ALK: variants seen among roughly 807,000 people sequenced by gnomAD.
ALK encodes ALK receptor tyrosine kinase, also known as ALK tyrosine kinase receptor.
Under a neutral mutation model 163.1 loss-of-function variants are expected in ALK, and 74 were observed. The ratio of observed to expected loss-of-function variants is 0.45; its 90% CI spans 0.38 to 0.55. The LOEUF is 0.55. ALK is among the 20% of genes least tolerant of loss of function. ALK has a pLI of 0.00. For synonymous variants in ALK, 960 were observed against 843.2 expected, an observed-to-expected ratio of 1.14 and a Z score of -2.40; for missense variants, 2,063 against 2,105.3, an observed-to-expected ratio of 0.98 and a Z score of 0.39.
chr2:29,750,188 G>A (rs1680316876), intron 1 of ALK, among the ~76,000 whole-genome samples: 1 of 152,190 alleles, frequency 6.6e-6, no homozygotes, highest in Admixed American at 6.5e-5. Flanking sequence ...TCATCACAGT[G>A]TGAACATCAC....
At chr2:29,593,581 A>G (rs188971144) in intron 3 of ALK, among the ~76,000 whole-genome samples, 32 of 152,276 alleles carry the variant, frequency 2.1e-4, no homozygotes, top group African/African-American at 6.0e-4. Flanking sequence ...CTTAGAGGGA[A>G]CTCTAGGGCT....
intron 1 of ALK, among the ~76,000 whole-genome samples, chr2:29,738,720 G>A (rs1057320396): frequency 4.6e-5 from 7 of 152,096 alleles, no homozygotes; most frequent in Middle Eastern, 3.4e-3. Context: ...ATTAAAGAGT[G>A]GCCTCAACTT....
In ALK at chr2:29,435,503, C is replaced by T. The variant is rs755701016; in HGVS notation, c.1155-51644G>A. The stretch of plus-strand genomic sequence containing the variant: ...GCAATGCCAGGTGCTTTCATATCCA[C>T]GTTCTCATCTAGTTTTGGCAGCAAC... On this transcript the variant is annotated intron_variant, in intron 4 of 28. Transcript: ENST00000389048. Among the ~76,000 whole-genome samples the T allele has an allele frequency of 3.9e-5, 6 of 152,188 alleles. No individual in the cohort carries two copies. The South Asian group carries it at 8.3e-4, about 21-fold the overall frequency.
intron 5 of ALK, among the ~76,000 whole-genome samples, chr2:29,332,205 G>C (rs546388782): frequency 3.6e-5 from 5 of 137,610 alleles, no homozygotes; most frequent in African/African-American, 1.3e-4. Flanking sequence ...AGAACCGCTT[G>C]AACCAGGGAG....
intron 3 of ALK, among the ~76,000 whole-genome samples, chr2:29,641,256 G>A (rs566815038): frequency 1.3e-4 from 20 of 152,222 alleles, no homozygotes; most frequent in African/African-American, 4.8e-4. Flanking sequence ...AGGATAGGAA[G>A]GTGACAAGAG....
intron 2 of ALK, among the ~76,000 whole-genome samples, chr2:29,698,799 C>T (rs567064940): frequency 1.2e-4 from 19 of 152,268 alleles, no homozygotes; most frequent in East Asian, 1.2e-3. Flanking sequence ...ATTCTTAGTC[C>T]GCAGCAACCT....
intron 24 of ALK, 28 bp downstream of exon 24, chr2:29,213,956 C>A: frequency 6.3e-7 from 1 of 1,587,318 alleles, no homozygotes; most frequent in Non-Finnish European, 8.7e-7. Context: ...GACAGGATGA[C>A]AGGAAGAGCA....
chr2:29,751,027 G>A (rs577896502), intron 1 of ALK, among the ~76,000 whole-genome samples: 4 of 152,286 alleles, frequency 2.6e-5, no homozygotes, highest in Admixed American at 6.5e-5. Flanking sequence ...CCGACACTGA[G>A]CCACTGCACC....
intron 2 of ALK, among the ~76,000 whole-genome samples, chr2:29,711,696 A>G (rs1679107460): frequency 6.6e-6 from 1 of 152,146 alleles, no homozygotes; most frequent in Non-Finnish European, 1.5e-5. Context: ...CCACCTGCCC[A>G]GGGGTGAGAG....
chr2:29,357,459 A>G lies in ALK; in HGVS notation c.1282+26273T>C, dbSNP rs547613489. Reference sequence around the variant, plus strand: ...TTTATTCCTTGACACAGCACATCATACCACCGCTTCTAGCTTCTAGAAAGG... The same window carrying G: ...TTTATTCCTTGACACAGCACATCATGCCACCGCTTCTAGCTTCTAGAAAGG... On this transcript the variant is annotated intron_variant, in intron 5 of 28. Coordinates refer to ENST00000389048, the MANE Select transcript of ALK (RefSeq NM_004304.5). 1.5e-4 allele frequency among the ~76,000 whole-genome samples: 23 copies of G among 152,294 alleles called. 2 individuals carry two copies. The highest frequency in any genetic ancestry group is 9.1e-4 in the Admixed American group (14 of 15,302).
At chr2:29,720,659 A>C (rs1015044460) in intron 1 of ALK, among the ~76,000 whole-genome samples, 1 of 152,240 alleles carries the variant, frequency 6.6e-6, no homozygotes, top group Non-Finnish European at 1.5e-5. Flanking sequence ...AGTTCACAGA[A>C]TACACATCAA....
intron 3 of ALK, among the ~76,000 whole-genome samples, chr2:29,556,426 A>C (rs1673862725): frequency 6.6e-6 from 1 of 152,200 alleles, no homozygotes; most frequent in Admixed American, 6.5e-5. Context: ...CACAGTCCTT[A>C]CTATTGCAAA....
At chr2:29,677,300 C>A (rs1379662328) in intron 3 of ALK, among the ~76,000 whole-genome samples, 2 of 125,392 alleles carry the variant, frequency 1.6e-5, no homozygotes, top group African/African-American at 5.8e-5. Flanking sequence ...CCTTCCCTTC[C>A]TTTGTATTGG....
At chr2:29,261,684 C>A (rs1373867409) in intron 11 of ALK, among the ~76,000 whole-genome samples, 1 of 152,136 alleles carries the variant, frequency 6.6e-6, no homozygotes, top group Non-Finnish European at 1.5e-5. Context: ...ATAGTGCTTC[C>A]CAGACTTAAT....
At chr2:29,578,493 G>A (rs1169171091) in intron 3 of ALK, among the ~76,000 whole-genome samples, 1 of 152,180 alleles carries the variant, frequency 6.6e-6, no homozygotes, top group East Asian at 1.9e-4. Flanking sequence ...AAGGGTCTTT[G>A]AGGATGGTTA....
chr2:29,530,305 C>T (rs534999933), intron 4 of ALK, among the ~76,000 whole-genome samples: 6 of 152,260 alleles, frequency 3.9e-5, no homozygotes, highest in Admixed American at 2.0e-4. Context: ...CAGTCATACC[C>T]GAGGAGTTAT....
At chr2:29,609,101 T>G (rs1675617958) in intron 3 of ALK, among the ~76,000 whole-genome samples, 1 of 152,076 alleles carries the variant, frequency 6.6e-6, no homozygotes. Context: ...GTTTTGTATT[T>G]TTAGTAGAGA....
At chr2:29,700,283 C>T (rs1443157961) in intron 2 of ALK, among the ~76,000 whole-genome samples, 3 of 152,162 alleles carry the variant, frequency 2.0e-5, no homozygotes, top group Non-Finnish European at 2.9e-5. Flanking sequence ...CAGTGACTCA[C>T]GCCTGTAATC....
At chr2:29,773,423 C>G (rs1264595137) in intron 1 of ALK, among the ~76,000 whole-genome samples, 1 of 152,300 alleles carries the variant, frequency 6.6e-6, no homozygotes, top group East Asian at 1.9e-4. Context: ...CTCTTCCCCT[C>G]TTTACTTGTT....
Sources: gnomAD v4.1 joint callset for allele counts (sites outside exome capture counted in the v4.1 genomes callset) on GRCh38, gnomAD v4.1.1 for gene constraint, MANE v1.5 for transcripts, NCBI Gene and HGNC (gene_info 2026-07-23, HGNC 2026-07-21) for gene names.